The following ZNF821 variants were observed in gnomAD, a reference collection of about 807,000 sequenced individuals.
ZNF821 encodes the protein zinc finger protein 821.
Under a neutral mutation model 44.3 loss-of-function variants are expected in ZNF821, and 16 were observed. That is an observed-to-expected ratio of 0.36 (90% CI 0.24 to 0.55). ZNF821 has a LOEUF of 0.55. Ranked by LOEUF, ZNF821 falls within the 20% of genes least tolerant of loss-of-function variation. The pLI is 0.86. For missense variants in ZNF821, 436 were observed against 547.6 expected, an observed-to-expected ratio of 0.80 and a Z score of 2.03; for synonymous variants, 204 against 197.6, an observed-to-expected ratio of 1.03 and a Z score of -0.27.
At chr16:71,894,648 C>T in intron 1 of ZNF821, 1 of 531,222 alleles carries the variant, frequency 1.9e-6, no homozygotes, top group South Asian at 2.2e-5. Flanking sequence ...GCCTCAGCCT[C>T]CCGAGTAGCT....
intron 3 of ZNF821, among the ~76,000 whole-genome samples, chr16:71,876,520 T>G (rs987041778): frequency 1.3e-5 from 2 of 152,138 alleles, no homozygotes; most frequent in African/African-American, 4.8e-5. Flanking sequence ...GTGTCTTTTA[T>G]CAACCAGAGA....
Position 71,860,086 on chromosome 16 carries a change from C to A in ZNF821, c.1171G>T (p.Val391Leu), listed in dbSNP as rs751891644. The A allele has an allele frequency of 1.5e-4, 246 of 1,614,064 alleles. 4 individuals are homozygous for A. In the South Asian group the frequency reaches 2.1e-3, roughly 14 times the overall value. ...MNFFQLPVSG[V>L]ELDSQLLGKM... The stretch of plus-strand genomic sequence containing the variant: ...CCCAGAAGCTGGCTGTCCAACTCCA[C>A]CCCACTTACAGGCAGCTGGAAGAAG... Residue 391 changes from valine (V) to leucine (L), a missense_variant, in exon 8 of 8, where the codon GTG (valine) becomes TTG (leucine). Coordinates refer to ENST00000425432, the MANE Select transcript of ZNF821 (RefSeq NM_001201552.2). The surrounding 1 kb of genome is among the most constrained non-coding windows in gnomAD (Gnocchi z 7.3).
upstream of ZNF821, chr16:71,884,204 C>T (rs2142494119): frequency 6.6e-6 from 1 of 152,060 alleles, no homozygotes; most frequent in Admixed American, 6.5e-5. Flanking sequence ...GAGGCGCGTG[C>T]ACGAGCCTCC....
intron 2 of ZNF821, chr16:71,882,985 T>C (rs1282796563): frequency 1.1e-5 from 4 of 360,578 alleles, no homozygotes; most frequent in African/African-American, 2.1e-5. Flanking sequence ...GGAAGACAGG[T>C]AAACGGTGAG....
intron 3 of ZNF821, among the ~76,000 whole-genome samples, chr16:71,871,668 T>G (rs1316608171): frequency 6.6e-6 from 1 of 152,170 alleles, no homozygotes; most frequent in South Asian, 2.1e-4. Flanking sequence ...CTCTGGTCCC[T>G]AGATATTAAT....
intron 4 of ZNF821, among the ~76,000 whole-genome samples, chr16:71,867,050 C>T (rs1385311133): frequency 3.0e-4 from 46 of 152,200 alleles, no homozygotes; most frequent in Admixed American, 3.0e-3. Context: ...ATCCATGAGG[C>T]TCAACTTGTA....
At chr16:71,890,626 A>T (rs1487035553) in intron 1 of ZNF821, 2 of 151,930 alleles carry the variant, frequency 1.3e-5, no homozygotes, top group Non-Finnish European at 2.9e-5. Flanking sequence ...ACCTCAAGTG[A>T]TCCCCCTGCC....
intron 2 of ZNF821, among the ~76,000 whole-genome samples, chr16:71,882,624 T>C (rs1460609565): frequency 2.0e-5 from 3 of 152,184 alleles, no homozygotes; most frequent in Non-Finnish European, 4.4e-5. Flanking sequence ...CAATGGGACT[T>C]CACACCTGAG....
rs1382999338 is a variant in ZNF821, at chr16:71,860,232, C to T, written c.1025G>A (p.Arg342Gln). Residue 342 changes from arginine (R) to glutamine (Q), a missense_variant, in exon 8 of 8, where the codon CGG becomes CAG. This residue lies in a region of ZNF821 where 72 missense variants were observed against 133.3 expected (regional missense o/e 0.54). Transcript: ENST00000425432. The surrounding 1 kb of genome is among the most constrained non-coding windows in gnomAD (Gnocchi z 7.3). ...ANETPEKRQA[R>Q]LIREREAKRL... The stretch of plus-strand genomic sequence containing the variant: ...CTTGGCCTCTCGCTCTCGGATGAGC[C>T]GGGCCTGCCGCTTTTCCGGGGTTTC... 2 of 1,614,224 alleles carry T rather than the reference C, an allele frequency of 1.2e-6. No homozygotes were observed. The highest frequency in any genetic ancestry group is 1.7e-6 in the Non-Finnish European group (2 of 1,180,038).
chr16:71,888,460 G>A (rs111383639), upstream of ZNF821, among the ~76,000 whole-genome samples: 10 of 152,108 alleles, frequency 6.6e-5, no homozygotes, highest in African/African-American at 1.2e-4. Flanking sequence ...GTGAGGCCGG[G>A]GTGGGGGGCA....
At chr16:71,893,029 C>CCAA (rs2036898813) in intron 1 of ZNF821, among the ~76,000 whole-genome samples, 1 of 65,910 alleles carries the variant, frequency 1.5e-5, no homozygotes. Context: ...CCCTGCCTGG[C>CCAA]TTTTTTTTTT....
At chr16:71,892,326 G>A (rs1457507275) in intron 1 of ZNF821, among the ~76,000 whole-genome samples, 1 of 151,394 alleles carries the variant, frequency 6.6e-6, no homozygotes, top group Non-Finnish European at 1.5e-5. Flanking sequence ...GAGGGCAGGG[G>A]CGCGATCTCG....
chr16:71,863,019 G>A (rs1039052203), intron 6 of ZNF821, among the ~76,000 whole-genome samples: 2 of 151,954 alleles, frequency 1.3e-5, no homozygotes, highest in Admixed American at 6.6e-5. Flanking sequence ...TCAGCTTCCC[G>A]AGTAGCTGGG....
intron 3 of ZNF821, among the ~76,000 whole-genome samples, chr16:71,878,824 G>A (rs902429501): frequency 2.6e-5 from 4 of 151,700 alleles, no homozygotes; most frequent in Non-Finnish European, 5.9e-5. Context: ...CCAGCTACTC[G>A]GCAGGTTGCA....
At chr16:71,874,058 G>C (rs1471229043) in intron 3 of ZNF821, among the ~76,000 whole-genome samples, 2 of 150,230 alleles carry the variant, frequency 1.3e-5, no homozygotes, top group East Asian at 2.0e-4. Context: ...TCCCAGGTCA[G>C]AGCGATTTTC....
At chr16:71,880,438 TG>T (rs1472097843) in intron 2 of ZNF821, 4 of 152,608 alleles carry the variant, frequency 2.6e-5, no homozygotes, top group Admixed American at 2.0e-4. Flanking sequence ...ACATGCCCAC[TG>T]GAAGTCAAGC....
chr16:71,868,639 T>C (rs2034824695), intron 3 of ZNF821, among the ~76,000 whole-genome samples: 1 of 152,218 alleles, frequency 6.6e-6, no homozygotes. Flanking sequence ...GGTTGAATAG[T>C]GGACTAGAAG....
In ZNF821 at chr16:71,860,491, G is replaced by A. The variant is rs763729856; in HGVS notation, c.766C>T (p.Arg256Cys). The change falls in exon 8 of 8, where the codon CGC (arginine) becomes TGC (cysteine). Residue 256 changes from arginine to cysteine, a missense_variant. This residue lies in a region of ZNF821 where 68 missense variants were observed against 57.0 expected (regional missense o/e 1.19). Coordinates refer to ENST00000425432, the MANE Select transcript of ZNF821 (RefSeq NM_001201552.2). The surrounding 1 kb of genome is among the most constrained non-coding windows in gnomAD (Gnocchi z 7.3). ...KLLEAQTPSVRKWALRRQNEP... is the reference protein window; with the variant it reads ...KLLEAQTPSVCKWALRRQNEP... ...TTCTGTCGACGTAGAGCCCACTTGC[G>A]TACACTGGGAGTCTGGGCTTCCAGC... 1.6e-5 allele frequency: 26 copies of A among 1,614,202 alleles called. No homozygotes were observed. The highest frequency in any genetic ancestry group is 2.2e-5 in the East Asian group (1 of 44,880).
At position 71,860,090 on chromosome 16, in the gene ZNF821, A is replaced by G. The variant is rs781762704; in HGVS notation, c.1167T>C (p.Ser389=). The change falls in exon 8 of 8, where the codon AGT becomes AGC. Residue 389 remains serine, a synonymous_variant. Transcript: ENST00000425432. This position sits in a 1 kb window ranked among gnomAD's most constrained non-coding sequence, Gnocchi z 7.3. ...AEMNFFQLPV[S]GVELDSQLLG... is the part of the protein sequence containing the mutation. ...GAAGCTGGCTGTCCAACTCCACCCC[A>G]CTTACAGGCAGCTGGAAGAAGTTCA... 6.2e-7 allele frequency: 1 copy of G among 1,614,198 alleles called. No homozygotes were observed. The highest frequency in any genetic ancestry group is 1.3e-5 in the African/African-American group (1 of 75,058).
Sources: gnomAD v4.1 joint callset for allele counts (sites outside exome capture counted in the v4.1 genomes callset) on GRCh38, gnomAD v4.1.1 for gene constraint, gnomAD v4.1.1 regional missense constraint, Gnocchi (gnomAD v3.1) non-coding constraint, MANE v1.5 for transcripts, NCBI Gene and HGNC (gene_info 2026-07-23, HGNC 2026-07-21) for gene names.